Variants in DENND4C observed in about 807,000 individuals in gnomAD.
DENND4C encodes DENN domain containing 4C, also known as DENN domain-containing protein 4C.
In DENND4C, 108 loss-of-function variants were observed where a neutral mutation model predicts 203.0. The ratio of observed to expected loss-of-function variants is 0.53; its 90% CI spans 0.46 to 0.62. DENND4C has a LOEUF of 0.62. Ranked by LOEUF, DENND4C falls within the 20% of genes least tolerant of loss-of-function variation. DENND4C has a pLI of 0.00. For synonymous variants in DENND4C, 871 were observed against 792.4 expected (o/e 1.10, Z -1.67); for missense variants, 2,481 against 2,301.2 (o/e 1.08, Z -1.60).
At chr9:19,278,074 C>CTTTTTTTTTTTTTTT (rs34167347) in intron 2 of DENND4C, among the ~76,000 whole-genome samples, 2 of 120,300 alleles carry the variant, frequency 1.7e-5, no homozygotes, top group Admixed American at 8.6e-5. Context: ...CCTTTTTTTT[C>CTTTTTTTTTTTTTTT]TTTTTTTTTT....
intron 12 of DENND4C, among the ~76,000 whole-genome samples, chr9:19,320,457 C>T (rs1238158783): frequency 6.6e-6 from 1 of 152,228 alleles, no homozygotes; most frequent in Non-Finnish European, 1.5e-5. Context: ...CCTCGGCCTT[C>T]CAAAATGCTG....
At chr9:19,326,828 G>C (rs1423815126) in intron 15 of DENND4C, among the ~76,000 whole-genome samples, 1 of 152,000 alleles carries the variant, frequency 6.6e-6, no homozygotes, top group Non-Finnish European at 1.5e-5. Context: ...TTTGCCTTTA[G>C]TGGTCTGAAC....
At chr9:19,292,125 A>C (rs1836459936) in intron 5 of DENND4C, 1 of 152,130 alleles carries the variant, frequency 6.6e-6, no homozygotes, top group Non-Finnish European at 1.5e-5. Context: ...ACCAGGTTCA[A>C]GTGATTCTCC....
chr9:19,348,205 A>G (rs1251501650), intron 23 of DENND4C, among the ~76,000 whole-genome samples: 2 of 152,210 alleles, frequency 1.3e-5, no homozygotes, highest in African/African-American at 4.8e-5. Flanking sequence ...CTGATTTTGT[A>G]GATGATATTT....
At chr9:19,312,985 A>G (rs986770858) in intron 10 of DENND4C, among the ~76,000 whole-genome samples, 1 of 152,170 alleles carries the variant, frequency 6.6e-6, no homozygotes, top group Non-Finnish European at 1.5e-5. Context: ...TGAAGAGTCC[A>G]TTAATTTACA....
intron 4 of DENND4C, among the ~76,000 whole-genome samples, chr9:19,289,827 TC>T (rs1341208704): frequency 1.3e-4 from 3 of 22,842 alleles, no homozygotes; most frequent in Non-Finnish European, 2.1e-4. Flanking sequence ...AGATCCTGTC[TC>T]AAAAAAAAAA....
At chr9:19,317,629 G>A (rs550997062) in intron 12 of DENND4C, among the ~76,000 whole-genome samples, 38 of 151,824 alleles carry the variant, frequency 2.5e-4, no homozygotes, top group Non-Finnish European at 5.0e-4. Context: ...TTCTGCTTTA[G>A]TGTAACTTAC....
intron 1 of DENND4C, among the ~76,000 whole-genome samples, chr9:19,269,138 C>T (rs2130797519): frequency 6.6e-6 from 1 of 151,876 alleles, no homozygotes; most frequent in Middle Eastern, 3.4e-3. Flanking sequence ...ACTATTTTGT[C>T]TCCTCTGACT....
In DENND4C at chr9:19,332,295, G is replaced by C. The variant is rs899607785; in HGVS notation, c.2460+111G>C. 1.7e-5 allele frequency: 14 copies of C among 818,200 alleles called. No individual in the cohort carries two copies. The Admixed American group carries it at 2.7e-4, about 16-fold the overall frequency. The allele number at this position is 818,200 out of a possible 1,614,324, so 50.7% of individuals were successfully genotyped here. A position where few individuals can be genotyped will look rare whatever the true frequency, so the allele number is the denominator to read the frequency against. On this transcript the variant is annotated intron_variant, in intron 17 of 32. Transcript: ENST00000434457. ...GTGCTCAAGCATTTTCATTAAGCAGGAAAGGTAAAACTATTACTGTTTCAT... is the reference window on the plus strand; with the variant it reads ...GTGCTCAAGCATTTTCATTAAGCAGCAAAGGTAAAACTATTACTGTTTCAT...
chr9:19,237,643 A>AT (rs1420323706), intron 1 of DENND4C, among the ~76,000 whole-genome samples: 1 of 152,124 alleles, frequency 6.6e-6, no homozygotes, highest in African/African-American at 2.4e-5. Flanking sequence ...AGGCGTAGCC[A>AT]TCGCACCCAG....
chr9:19,246,044 A>T (rs1379251909), intron 1 of DENND4C, among the ~76,000 whole-genome samples: 3 of 151,614 alleles, frequency 2.0e-5, no homozygotes, highest in African/African-American at 7.3e-5. Context: ...CCATTTTTTC[A>T]CTGTCCATCA....
intron 12 of DENND4C, among the ~76,000 whole-genome samples, chr9:19,323,286 C>G (rs149512550): frequency 0.021 from 3,213 of 152,090 alleles, 115 homozygotes; most frequent in African/African-American, 0.073. Context: ...AAAAATTAGC[C>G]AGTCGTGGTG....
intron 30 of DENND4C, among the ~76,000 whole-genome samples, chr9:19,363,173 C>G (rs1029313062): frequency 2.0e-5 from 3 of 152,188 alleles, no homozygotes; most frequent in Non-Finnish European, 4.4e-5. Context: ...CACATGCACA[C>G]ATTCCTGGTG....
At chr9:19,239,202 A>C (rs1244559529) in intron 1 of DENND4C, among the ~76,000 whole-genome samples, 1 of 151,904 alleles carries the variant, frequency 6.6e-6, no homozygotes, top group Non-Finnish European at 1.5e-5. Flanking sequence ...CTTTAATTTT[A>C]GAACTCTCTT....
intron 1 of DENND4C, among the ~76,000 whole-genome samples, chr9:19,236,478 G>A (rs17703102): frequency 0.013 from 2,050 of 152,338 alleles, 19 homozygotes; most frequent in Middle Eastern, 0.021. Flanking sequence ...AGAGTAAGTA[G>A]AGGCTGTGTC....
chr9:19,290,080 T>A (rs1187561179), intron 4 of DENND4C, among the ~76,000 whole-genome samples: 1 of 152,208 alleles, frequency 6.6e-6, no homozygotes, highest in East Asian at 1.9e-4. Flanking sequence ...AGAGATGGTC[T>A]ATATATTGAT....
intron 21 of DENND4C, 69 bp from the exon 22 acceptor site, chr9:19,342,564 A>T: frequency 6.9e-7 from 1 of 1,447,896 alleles, no homozygotes; most frequent in Non-Finnish European, 9.2e-7. Flanking sequence ...AATATCTAAA[A>T]GTCAATATAT....
intron 16 of DENND4C, among the ~76,000 whole-genome samples, chr9:19,328,813 C>T (rs1193558999): frequency 1.3e-5 from 2 of 151,984 alleles, no homozygotes; most frequent in Admixed American, 6.6e-5. Context: ...CTTTGGGAGG[C>T]CGAGGCAGGT....
intron 23 of DENND4C, among the ~76,000 whole-genome samples, chr9:19,348,639 A>G (rs990915230): frequency 6.6e-6 from 1 of 152,198 alleles, no homozygotes; most frequent in African/African-American, 2.4e-5. Flanking sequence ...ATTTGAAGGA[A>G]TACTTTATAG....
Sources: gnomAD v4.1 joint callset for allele counts (sites outside exome capture counted in the v4.1 genomes callset) on GRCh38, gnomAD v4.1.1 for gene constraint, MANE v1.5 for transcripts, NCBI Gene and HGNC (gene_info 2026-07-23, HGNC 2026-07-21) for gene names.